Variants in PPP1R10 observed in about 807,000 individuals in gnomAD.
PPP1R10 encodes the protein protein phosphatase 1 regulatory subunit 10.
In PPP1R10, 15 loss-of-function variants were observed where a neutral mutation model predicts 99.0. The ratio of observed to expected loss-of-function variants is 0.15; its 90% CI spans 0.10 to 0.23. The LOEUF (loss-of-function observed/expected upper bound fraction) is 0.23. PPP1R10 is among the 10% of genes least tolerant of loss of function. The pLI is 1.00. For synonymous variants in PPP1R10, 430 were observed against 449.5 expected (o/e 0.96, Z 0.55); for missense variants, 947 against 1,259.4 (o/e 0.75, Z 3.75).
chr6:30,612,183 C>T (rs1804628827), intron 2 of PPP1R10, among the ~76,000 whole-genome samples: 1 of 152,168 alleles, frequency 6.6e-6, no homozygotes, highest in Non-Finnish European at 1.5e-5. Context: ...GACAAAAGGC[C>T]TTGAATTAAA....
rs1223254987 is a variant in PPP1R10 at position 30,609,201 on chromosome 6, A to G, written c.108-38T>C. The G allele has an allele frequency of 1.3e-6, 2 of 1,598,570 alleles. No homozygotes were observed. Among genetic ancestry groups the G allele is most frequent in the African/African-American group, 2.7e-5 (2 of 74,608 alleles). On this transcript the variant is annotated intron_variant, in intron 3 of 19. Transcript: ENST00000376511. This position sits in a 1 kb window ranked among gnomAD's most constrained non-coding sequence, Gnocchi z 4.5. ...AGTTAGGGTTAGAAATGAAGCAGCC[A>G]GTATCTCTTCTCTTAGCAAAAGCGC...
chr6:30,613,450 C>T (rs185551792), intron 2 of PPP1R10, among the ~76,000 whole-genome samples: 159 of 152,330 alleles, frequency 1.0e-3, no homozygotes, highest in African/African-American at 3.6e-3. Flanking sequence ...GTTTTAGGCA[C>T]TTCCTAGTTT....
chr6:30,606,659 A>G lies in PPP1R10; in HGVS notation c.461-18T>C. 6.2e-7 allele frequency: 1 copy of G among 1,613,950 alleles called. No homozygotes were observed. Among genetic ancestry groups the G allele is most frequent in the Non-Finnish European group, 8.5e-7 (1 of 1,179,972 alleles). On this transcript the variant is annotated intron_variant, in intron 7 of 19. Transcript: ENST00000376511. The surrounding 1 kb of genome is among the most constrained non-coding windows in gnomAD (Gnocchi z 6.3). ...ATCTTTCTCTGTTGTGAAAAAACAA[A>G]GCAGAAAAGGATTTTATTTAGATGA...
Position 30,609,801 on chromosome 6 carries a change from C to T in PPP1R10, c.107+37G>A. 1.3e-6 allele frequency: 2 copies of T among 1,537,898 alleles called. No individual in the cohort carries two copies. The highest frequency in any genetic ancestry group is 1.8e-6 in the Non-Finnish European group (2 of 1,110,498). ...GCCATGTTTTAACACACAATATTCT[C>T]TACTCACAGTGAATACAAAAAGGGG... On this transcript the variant is annotated intron_variant, in intron 3 of 19. Coordinates refer to ENST00000376511, the MANE Select transcript of PPP1R10 (RefSeq NM_002714.4). This position sits in a 1 kb window ranked among gnomAD's most constrained non-coding sequence, Gnocchi z 4.5.
intron 2 of PPP1R10, among the ~76,000 whole-genome samples, chr6:30,616,161 T>A (rs1236690958): frequency 3.3e-5 from 5 of 152,200 alleles, no homozygotes; most frequent in Non-Finnish European, 7.3e-5. Context: ...CCTCCTTATA[T>A]AAACACATAT....
Position 30,604,984 on chromosome 6 carries a change from G to A in PPP1R10, c.954+10C>T, listed in dbSNP as rs1261815025. ...CTCTGTCACTGAAACCTACTTCTGG[G>A]AGCCCATACCTTGGCAGCCGTAGGT... On this transcript the variant is annotated intron_variant, in intron 11 of 19. Transcript: ENST00000376511. The surrounding 1 kb of genome is among the most constrained non-coding windows in gnomAD (Gnocchi z 7.3). 1 of 1,610,744 alleles carries A rather than the reference G, an allele frequency of 6.2e-7. No individual in the cohort carries two copies. The highest frequency in any genetic ancestry group is 8.5e-7 in the Non-Finnish European group (1 of 1,178,022).
Position 30,602,231 on chromosome 6 carries a change from G to A in PPP1R10, c.2418C>T (p.Gly806=). Reference sequence around the variant, plus strand: ...GACGATGGCCACTGCCACCACTGATGCCACCGCCAGGGCCTTCGTGGGGAC... The same window carrying A: ...GACGATGGCCACTGCCACCACTGATACCACCGCCAGGGCCTTCGTGGGGAC... ...GHRPHEGPGG[G]ISGGSGHRPH... is the part of the protein sequence containing the mutation. The change falls in exon 19 of 20, where the codon GGC becomes GGT. Residue 806 remains glycine (G), a synonymous_variant. Coordinates refer to ENST00000376511, the MANE Select transcript of PPP1R10 (RefSeq NM_002714.4). This position sits in a 1 kb window ranked among gnomAD's most constrained non-coding sequence, Gnocchi z 6.7. 1.9e-6 allele frequency: 3 copies of A among 1,611,682 alleles called. No individual in the cohort carries two copies. The highest frequency in any genetic ancestry group is 2.5e-6 in the Non-Finnish European group (3 of 1,179,262).
At position 30,609,224 on chromosome 6, in the gene PPP1R10, C is replaced by A; in HGVS notation, c.108-61G>T. 2 of 1,535,822 alleles carry A rather than the reference C, an allele frequency of 1.3e-6. No homozygotes were observed. The highest frequency in any genetic ancestry group is 1.8e-6 in the Non-Finnish European group (2 of 1,112,356). ...CCAGTATCTCTTCTCTTAGCAAAAG[C>A]GCCTCTCTGTGAACTGCCTAGAGAT... is the stretch of plus-strand genomic sequence containing the variant. On this transcript the variant is annotated intron_variant, in intron 3 of 19. Transcript: ENST00000376511. The surrounding 1 kb of genome is among the most constrained non-coding windows in gnomAD (Gnocchi z 4.5).
chr6:30,601,075 T>C lies in PPP1R10; in HGVS notation c.*474A>G, dbSNP rs1203253703. 1 of 165,266 alleles carries C rather than the reference T, an allele frequency of 6.1e-6. No individual in the cohort carries two copies. The highest frequency in any genetic ancestry group is 1.3e-5 in the Non-Finnish European group (1 of 74,862). The allele number at this position is 165,266 out of a possible 1,614,324, so 10.2% of individuals were successfully genotyped here. On this transcript the variant is annotated 3_prime_UTR_variant, in exon 20 of 20. Transcript: ENST00000376511. Reference sequence around the variant, plus strand: ...CCTCTCAGTGCAGTGGGATATACAATACCCCTTTCAGCATCTCCCCACCCC... The same window carrying C: ...CCTCTCAGTGCAGTGGGATATACAACACCCCTTTCAGCATCTCCCCACCCC...
chr6:30,616,842 A>T lies in PPP1R10; in HGVS notation c.-376T>A, dbSNP rs1760624603. 1 of 152,248 alleles carries T rather than the reference A, an allele frequency of 6.6e-6. No individual in the cohort carries two copies. Among genetic ancestry groups the T allele is most frequent in the South Asian group, 2.1e-4 (1 of 4,836 alleles). 9.4% of individuals were successfully genotyped at this position (152,248 alleles called of 1,614,324 possible). A position where few individuals can be genotyped will look rare whatever the true frequency, so the allele number is the denominator to read the frequency against. On this transcript the variant is annotated 5_prime_UTR_variant, in exon 2 of 20. Coordinates refer to ENST00000376511, the MANE Select transcript of PPP1R10 (RefSeq NM_002714.4). Reference sequence around the variant, plus strand: ...AGCGTGGGCTGGTGGGGTGGGCAAGATAGGTGGGAAGGGGCAGAAGACACA... The same window carrying T: ...AGCGTGGGCTGGTGGGGTGGGCAAGTTAGGTGGGAAGGGGCAGAAGACACA...
At chr6:30,607,592 T>C (rs1026480454) in intron 6 of PPP1R10, among the ~76,000 whole-genome samples, 1 of 152,138 alleles carries the variant, frequency 6.6e-6, no homozygotes, top group African/African-American at 2.4e-5. Flanking sequence ...AACAAGCAAT[T>C]TTAGGAATCA....
intron 6 of PPP1R10, among the ~76,000 whole-genome samples, chr6:30,607,465 A>C (rs1051678351): frequency 6.6e-6 from 1 of 152,236 alleles, no homozygotes; most frequent in Non-Finnish European, 1.5e-5. Context: ...CTTCTGGCCA[A>C]CATTTCCACT....
At chr6:30,615,483 GA>G (rs948955451) in intron 2 of PPP1R10, among the ~76,000 whole-genome samples, 4 of 151,766 alleles carry the variant, frequency 2.6e-5, no homozygotes, top group Non-Finnish European at 5.9e-5. Context: ...GGGAGGACAG[GA>G]AAAAAAATGG....
intron 5 of PPP1R10, 54 bp downstream of exon 5, chr6:30,608,725 A>G: frequency 6.4e-7 from 1 of 1,565,958 alleles, no homozygotes; most frequent in Non-Finnish European, 8.7e-7. Context: ...TGAGTTTTTC[A>G]TCCATTAGAC....
In PPP1R10 at chr6:30,608,771, A is replaced by G. The variant is rs983331528; in HGVS notation, c.330+8T>C. ...AAGGAAGAATCAGGGTTTAAAGACT[A>G]AAGGTACCTGCTTGAGATGGTCTAC... On this transcript the variant is annotated splice_region_variant and intron_variant, in intron 5 of 19. Coordinates refer to ENST00000376511, the MANE Select transcript of PPP1R10 (RefSeq NM_002714.4). 1.2e-6 allele frequency: 2 copies of G among 1,613,288 alleles called. No individual in the cohort carries two copies. Among genetic ancestry groups the G allele is most frequent in the Non-Finnish European group, 1.7e-6 (2 of 1,179,468 alleles).
intron 2 of PPP1R10, among the ~76,000 whole-genome samples, chr6:30,612,234 G>C (rs191578976): frequency 1.1e-4 from 17 of 152,270 alleles, no homozygotes; most frequent in Admixed American, 4.6e-4. Context: ...TTCAAACCCA[G>C]AGTTGAATAT....
Position 30,602,543 on chromosome 6 carries a change from TGGTCCA to T in PPP1R10, c.2100_2105del (p.Gly701_Pro702del). The stretch of plus-strand genomic sequence containing the variant: ...CTCGGCCACCTCGGCCTCTATGGTA[TGGTCCA>T]GGACCTGGTCCTGGACCCCCCCGCA... On this transcript the variant is annotated inframe_deletion, in exon 19 of 20. Transcript: ENST00000376511. The surrounding 1 kb of genome is among the most constrained non-coding windows in gnomAD (Gnocchi z 6.7). 6.4e-7 allele frequency: 1 copy of T among 1,570,826 alleles called. No homozygotes were observed.
In PPP1R10 at chr6:30,600,565, A is replaced by C. The variant is rs1165607933; in HGVS notation, c.*984T>G. 1 of 152,662 alleles carries C rather than the reference A, an allele frequency of 6.6e-6. No individual in the cohort carries two copies. Among genetic ancestry groups the C allele is most frequent in the Non-Finnish European group, 1.5e-5 (1 of 68,052 alleles). The allele number at this position is 152,662 out of a possible 1,614,324, so 9.5% of individuals were successfully genotyped here. A position where few individuals can be genotyped will look rare whatever the true frequency, so the allele number is the denominator to read the frequency against. On this transcript the variant is annotated 3_prime_UTR_variant, in exon 20 of 20. Transcript: ENST00000376511. ...TAGAAAACAACTGATGCCAAAGTGA[A>C]GGAGAGAACTGGGAAAGGGCAAAAT...
rs574591989 is a variant in PPP1R10 at position 30,602,187 on chromosome 6, C to T, written c.2462G>A (p.Gly821Glu). 6.2e-7 allele frequency: 1 copy of T among 1,610,704 alleles called. No individual in the cohort carries two copies. Among genetic ancestry groups the T allele is most frequent in the East Asian group, 2.2e-5 (1 of 44,490 alleles). ...SGHRPHEGPG[G>E]GMGAGGGHRP... is the part of the protein sequence containing the mutation. The stretch of plus-strand genomic sequence containing the variant: ...ATGTCCACCACCGGCACCCATTCCT[C>T]CGCCAGGGCCTTCATGGGGACGATG... The change falls in exon 19 of 20, where the codon GGA (glycine) becomes GAA (glutamate). Residue 821 changes from glycine to glutamate, a missense_variant. Around this residue, in one of 10 missense-constraint regions of PPP1R10, gnomAD observed 525 missense variants for 578.8 expected, o/e 0.91. Coordinates refer to ENST00000376511, the MANE Select transcript of PPP1R10 (RefSeq NM_002714.4). The surrounding 1 kb of genome is among the most constrained non-coding windows in gnomAD (Gnocchi z 6.7).
Sources: allele counts gnomAD v4.1 joint callset (sites outside exome capture counted in the v4.1 genomes callset), GRCh38; gene constraint gnomAD v4.1.1; regional missense constraint gnomAD v4.1.1; non-coding constraint Gnocchi (gnomAD v3.1); transcripts MANE v1.5; gene names NCBI Gene and HGNC (gene_info 2026-07-23, HGNC 2026-07-21).